Variants in NTM observed in about 807,000 individuals in gnomAD.
NTM encodes IgLON family member 2.
Under a neutral mutation model 42.1 loss-of-function variants are expected in NTM, and 13 were observed. The ratio of observed to expected loss-of-function variants is 0.31; its 90% CI spans 0.20 to 0.49. The LOEUF is 0.49. NTM is among the 20% of genes least tolerant of loss of function. The pLI, the probability that NTM is intolerant of heterozygous loss-of-function variation, is 0.99. For missense variants in NTM, 373 were observed against 452.8 expected (o/e 0.82, Z 1.60); for synonymous variants, 187 against 179.2 (o/e 1.04, Z -0.35).
chr11:131,925,733 G>A lies in NTM; in HGVS notation c.167+14085G>A, dbSNP rs139514389. Among the ~76,000 whole-genome samples, 305 of 152,232 alleles carry A rather than the reference G, an allele frequency of 2.0e-3. 1 individual carries two copies. Among genetic ancestry groups the A allele is most frequent in the African/African-American group, 7.1e-3 (293 of 41,542 alleles). On this transcript the variant is annotated intron_variant, in intron 2 of 8. Coordinates refer to ENST00000683400, the MANE Select transcript of NTM (RefSeq NM_001352005.2). The stretch of plus-strand genomic sequence containing the variant: ...AGAAACCAGGTGGTGGAGAAATCGT[G>A]TATGGATTTGGGTAAAGGAGAAAGG...
chr11:132,194,521 A>G (rs1478403696), intron 3 of NTM, among the ~76,000 whole-genome samples: 1 of 152,176 alleles, frequency 6.6e-6, no homozygotes, highest in Non-Finnish European at 1.5e-5. Context: ...TACTGAACGG[A>G]CAAAAGCTGG....
At chr11:132,178,322 T>C (rs760835689) in intron 3 of NTM, among the ~76,000 whole-genome samples, 1 of 152,238 alleles carries the variant, frequency 6.6e-6, no homozygotes, top group Non-Finnish European at 1.5e-5. Context: ...TCAGAAAAGC[T>C]ACAAGGCTTC....
At position 132,057,350 on chromosome 11, in the gene NTM, T is replaced by A. The variant is rs1353322831; in HGVS notation, c.168-88932T>A. On this transcript the variant is annotated intron_variant, in intron 2 of 8. Coordinates refer to ENST00000683400, the MANE Select transcript of NTM (RefSeq NM_001352005.2). ...TTCACTCTCAGGCATGTTTTAGCAA[T>A]GTGATGTGGTAGTGCAAAAACTTCT... 2.6e-5 allele frequency among the ~76,000 whole-genome samples: 4 copies of A among 152,170 alleles called. No homozygotes were observed. In the East Asian group the frequency reaches 7.7e-4, roughly 29 times the overall value.
At chr11:131,627,200 A>C (rs1033404417) in intron 1 of NTM, among the ~76,000 whole-genome samples, 1 of 152,080 alleles carries the variant, frequency 6.6e-6, no homozygotes. Flanking sequence ...TTTGTGCATG[A>C]ATAAAGCAGG....
chr11:132,062,304 G>A lies in NTM; in HGVS notation c.168-83978G>A, dbSNP rs187224258. 2.2e-3 allele frequency among the ~76,000 whole-genome samples: 328 copies of A among 152,274 alleles called. 1 individual carries two copies. The highest frequency in any genetic ancestry group is 7.3e-3 in the African/African-American group (302 of 41,556). ...TTGGGAAAGTGAGGGGGCTAATCAT[G>A]CAAGCCAGAGCCAAGAATAGATTTG... On this transcript the variant is annotated intron_variant, in intron 2 of 8. Transcript: ENST00000683400.
intron 2 of NTM, among the ~76,000 whole-genome samples, chr11:131,948,381 C>CAAAAAA (rs1172904124): frequency 2.1e-5 from 1 of 47,758 alleles, no homozygotes; most frequent in African/African-American, 9.1e-5. Flanking sequence ...AACAAAAAAA[C>CAAAAAA]AAAAAAACAA....
intron 1 of NTM, among the ~76,000 whole-genome samples, chr11:131,452,268 G>T (rs754243436): frequency 2.0e-5 from 3 of 152,236 alleles, no homozygotes; most frequent in Non-Finnish European, 2.9e-5. Flanking sequence ...TGGCCTCCCG[G>T]CTGCAGGCCC....
At chr11:132,010,842 G>A (rs1388147216) in intron 2 of NTM, among the ~76,000 whole-genome samples, 1 of 151,926 alleles carries the variant, frequency 6.6e-6, no homozygotes, top group African/African-American at 2.4e-5. Flanking sequence ...ATTCCCTGAT[G>A]GAAGTATCAT....
intron 2 of NTM, among the ~76,000 whole-genome samples, chr11:132,007,174 C>T (rs770911497): frequency 1.1e-4 from 17 of 152,174 alleles, no homozygotes; most frequent in Non-Finnish European, 2.2e-4. Flanking sequence ...TTGACGATTT[C>T]GGCATAACCT....
intron 2 of NTM, among the ~76,000 whole-genome samples, chr11:132,117,180 C>T (rs1373937243): frequency 6.6e-6 from 1 of 152,202 alleles, no homozygotes; most frequent in Non-Finnish European, 1.5e-5. Context: ...TGCTTTCTAC[C>T]AGTCTAGTTA....
At chr11:131,676,091 G>C (rs948200512) in intron 1 of NTM, among the ~76,000 whole-genome samples, 1 of 152,140 alleles carries the variant, frequency 6.6e-6, no homozygotes, top group Non-Finnish European at 1.5e-5. Flanking sequence ...TGAAATGAGA[G>C]ACTTGAACCT....
intron 2 of NTM, among the ~76,000 whole-genome samples, chr11:132,083,531 C>G (rs537385592): frequency 6.6e-6 from 1 of 152,300 alleles, no homozygotes; most frequent in South Asian, 2.1e-4. Context: ...GAATTCCTCT[C>G]TTCTTGAAGT....
At chr11:132,327,915 A>C (rs2136391460) in intron 7 of NTM, among the ~76,000 whole-genome samples, 1 of 151,490 alleles carries the variant, frequency 6.6e-6, no homozygotes, top group Non-Finnish European at 1.5e-5. Context: ...ATATACCATT[A>C]ACAAAGAGAT....
intron 1 of NTM, among the ~76,000 whole-genome samples, chr11:131,593,134 C>T (rs2059527983): frequency 6.6e-6 from 1 of 152,126 alleles, no homozygotes; most frequent in African/African-American, 2.4e-5. Flanking sequence ...TCATTCTCTC[C>T]CTCTCCACTC....
At chr11:131,706,502 A>G (rs888861070) in intron 1 of NTM, among the ~76,000 whole-genome samples, 2 of 152,062 alleles carry the variant, frequency 1.3e-5, no homozygotes, top group Non-Finnish European at 2.9e-5. Flanking sequence ...TAAAAAACAT[A>G]AAGAACATTC....
chr11:131,968,673 C>T (rs1396078643), intron 2 of NTM, among the ~76,000 whole-genome samples: 4 of 152,164 alleles, frequency 2.6e-5, no homozygotes, highest in Non-Finnish European at 1.5e-5. Context: ...AGTGTAGCAG[C>T]GTTTCAAGCT....
chr11:131,573,198 C>T (rs1407192332), intron 1 of NTM, among the ~76,000 whole-genome samples: 4 of 152,176 alleles, frequency 2.6e-5, no homozygotes, highest in Admixed American at 2.6e-4. Context: ...CATCTTCTAT[C>T]ATTCCTAGGA....
intron 1 of NTM, among the ~76,000 whole-genome samples, chr11:131,807,036 G>A (rs558780021): frequency 6.6e-5 from 10 of 152,292 alleles, no homozygotes; most frequent in African/African-American, 1.9e-4. Flanking sequence ...TGGGAAAAGC[G>A]TTTTAGGCTA....
intron 2 of NTM, among the ~76,000 whole-genome samples, chr11:132,088,720 G>T (rs1028894231): frequency 3.3e-5 from 5 of 152,138 alleles, no homozygotes; most frequent in Non-Finnish European, 7.3e-5. Context: ...CTAAGGGATA[G>T]AATTTTTCAC....
Sources: allele counts gnomAD v4.1 joint callset (sites outside exome capture counted in the v4.1 genomes callset), GRCh38; gene constraint gnomAD v4.1.1; transcripts MANE v1.5; gene names NCBI Gene and HGNC (gene_info 2026-07-23, HGNC 2026-07-21).